SLC25A18: variants seen among roughly 807,000 people sequenced by gnomAD.
SLC25A18 encodes the protein solute carrier family 25 member 18.
SLC25A18 carries 24 observed loss-of-function variants against 31.1 expected under a neutral mutation model. The observed-to-expected ratio is 0.77, with a 90% CI of 0.56 to 1.08. The LOEUF (loss-of-function observed/expected upper bound fraction) is 1.08, where lower values mean the gene tolerates loss of function less well. Ranked by LOEUF, SLC25A18 falls within the 50% of genes least tolerant of loss-of-function variation. The probability of loss-of-function intolerance (pLI) is 0.00; values close to 1 mark genes in which losing one functional copy is unlikely to be tolerated. For missense variants in SLC25A18, 371 were observed against 418.5 expected (o/e 0.89, Z 0.99); for synonymous variants, 173 against 161.9 (o/e 1.07, Z -0.52).
chr22:17,581,224 T>C, intron 4 of SLC25A18, 65 bp downstream of exon 4: 1 of 1,568,380 alleles, frequency 6.4e-7, no homozygotes, highest in South Asian at 1.2e-5. Context: ...CCCCCTTCCC[T>C]CCAGTCTCCA....
intron 3 of SLC25A18, 79 bp from the exon 4 acceptor site, chr22:17,580,958 G>A: frequency 6.7e-7 from 1 of 1,483,348 alleles, no homozygotes; most frequent in Non-Finnish European, 9.0e-7. Flanking sequence ...CTGTGCCCCT[G>A]CCCATTCCTG....
intron 10 of SLC25A18, 143 bp from the exon 11 acceptor site, chr22:17,589,952 C>G (rs2057672286): frequency 8.2e-7 from 1 of 1,217,586 alleles, no homozygotes; most frequent in African/African-American, 1.5e-5. Context: ...GGGCGAGGCA[C>G]AGCTCCCACA....
chr22:17,563,809 A>C, intron 1 of SLC25A18, 96 bp downstream of exon 1: 1 of 704,928 alleles, frequency 1.4e-6, no homozygotes, highest in Non-Finnish European at 1.7e-6. Context: ...CTCAGAGTTC[A>C]TAATAAACCT....
intron 1 of SLC25A18, among the ~76,000 whole-genome samples, chr22:17,565,467 G>A (rs1358152031): frequency 6.6e-6 from 1 of 152,128 alleles, no homozygotes; most frequent in African/African-American, 2.4e-5. Flanking sequence ...TCCAACCCCA[G>A]GGCTCAAATG....
At chr22:17,584,708 A>G (rs1012932063) in intron 7 of SLC25A18, among the ~76,000 whole-genome samples, 1 of 135,706 alleles carries the variant, frequency 7.4e-6, no homozygotes, top group African/African-American at 2.8e-5. Flanking sequence ...TGAACACAGG[A>G]GGCAGAGGTT....
At chr22:17,566,045 G>A (rs535612010) in intron 1 of SLC25A18, among the ~76,000 whole-genome samples, 7 of 152,230 alleles carry the variant, frequency 4.6e-5, no homozygotes, top group African/African-American at 1.4e-4. Context: ...CATGGCTGCC[G>A]TGTTTTACAT....
In SLC25A18 at chr22:17,589,613, C is replaced by T; in HGVS notation, c.754C>T (p.Leu252Phe). 6.2e-7 allele frequency: 1 copy of T among 1,614,102 alleles called. No individual in the cohort carries two copies. Among genetic ancestry groups the T allele is most frequent in the Non-Finnish European group, 8.5e-7 (1 of 1,179,998 alleles). ...AGTTCTGAAAACTCGAATCCAAACC[C>T]TCAAGAAAGGCCTGGGCGAGGACAT... The part of the protein sequence containing the change: ...LDVLKTRIQT[L>F]KKGLGEDMYS... The change falls in exon 10 of 11, where the codon CTC becomes TTC. Residue 252 changes from leucine (L) to phenylalanine (F), a missense_variant. Leu to Phe is a conservative substitution (Grantham distance 22, BLOSUM62 0). Coordinates refer to ENST00000327451, the MANE Select transcript of SLC25A18 (RefSeq NM_031481.3).
At position 17,568,669 on chromosome 22, in the gene SLC25A18, C is replaced by G. The variant is rs531900385; in HGVS notation, c.-263-1255C>G. Among the ~76,000 whole-genome samples, 77 of 133,100 alleles carry G rather than the reference C, an allele frequency of 5.8e-4. No homozygotes were observed. The South Asian group carries it at 0.018, about 30-fold the overall frequency. 87.3% of individuals were successfully genotyped at this position (133,100 alleles called of 152,430 possible). ...CTCTGCGTCCCGGATTCACGCCATTCTCCTGCCTCAGCCTCCCGAGTAGCT... is the reference window on the plus strand; with the variant it reads ...CTCTGCGTCCCGGATTCACGCCATTGTCCTGCCTCAGCCTCCCGAGTAGCT... On this transcript the variant is annotated intron_variant, in intron 1 of 10. Coordinates refer to ENST00000327451, the MANE Select transcript of SLC25A18 (RefSeq NM_031481.3).
At chr22:17,564,871 C>G (rs1038212653) in intron 1 of SLC25A18, among the ~76,000 whole-genome samples, 2 of 83,926 alleles carry the variant, frequency 2.4e-5, no homozygotes, top group East Asian at 3.0e-4. Flanking sequence ...AAAAAAAAAT[C>G]AGGCCCAGGC....
intron 2 of SLC25A18, among the ~76,000 whole-genome samples, chr22:17,575,574 A>G (rs540251820): frequency 1.3e-5 from 2 of 152,148 alleles, no homozygotes; most frequent in Non-Finnish European, 2.9e-5. Context: ...AAAAATTCCT[A>G]TGGAAGGGGT....
At chr22:17,580,978 G>C (rs371760308) in intron 3 of SLC25A18, 59 bp from the exon 4 acceptor site, 1 of 1,492,794 alleles carries the variant, frequency 6.7e-7, no homozygotes, top group East Asian at 2.5e-5. Flanking sequence ...GGCTGCATCC[G>C]CTCCCTAACC....
chr22:17,567,859 T>G (rs1225327911), intron 1 of SLC25A18, among the ~76,000 whole-genome samples: 2 of 151,586 alleles, frequency 1.3e-5, no homozygotes, highest in African/African-American at 4.9e-5. Context: ...AAATTTAATT[T>G]TTTTAGTAAG....
intron 6 of SLC25A18, 108 bp downstream of exon 6, chr22:17,582,761 A>T: frequency 1.8e-5 from 17 of 938,274 alleles, no homozygotes; most frequent in Middle Eastern, 2.5e-4. Flanking sequence ...CATGCATATA[A>T]ATATGTGCAC....
At chr22:17,579,470 C>A (rs1203165256) in intron 2 of SLC25A18, among the ~76,000 whole-genome samples, 1 of 152,144 alleles carries the variant, frequency 6.6e-6, no homozygotes, top group Non-Finnish European at 1.5e-5. Flanking sequence ...CCTTTCCATC[C>A]CTTCTGCTTC....
In SLC25A18 at chr22:17,590,651, TTA is replaced by T. The variant is rs1212911276; in HGVS notation, c.*417_*418del. 6.9e-5 allele frequency: 12 copies of T among 172,714 alleles called. No homozygotes were observed. Among genetic ancestry groups the T allele is most frequent in the Admixed American group, 5.0e-4 (9 of 18,016 alleles). 10.7% of individuals were successfully genotyped at this position (172,714 alleles called of 1,614,324 possible). ...CATTGTTAATCTTGGACTCCATAAC[TTA>T]TGAGTCCTAGCACTGATTTTGAGGA... is the stretch of plus-strand genomic sequence containing the variant. On this transcript the variant is annotated 3_prime_UTR_variant, in exon 11 of 11. Coordinates refer to ENST00000327451, the MANE Select transcript of SLC25A18 (RefSeq NM_031481.3).
intron 2 of SLC25A18, among the ~76,000 whole-genome samples, chr22:17,577,623 C>A (rs12106495): frequency 0.02 from 2,944 of 145,916 alleles, 102 homozygotes; most frequent in African/African-American, 0.072. Context: ...CTGTGTCACC[C>A]AGGCTGGAGT....
At chr22:17,583,332 A>G in intron 6 of SLC25A18, 84 bp from the exon 7 acceptor site, 11 of 1,563,706 alleles carry the variant, frequency 7.0e-6, no homozygotes, top group Non-Finnish European at 8.7e-6. Flanking sequence ...CCATCCAGGG[A>G]AAGTCCCCCT....
chr22:17,581,521 G>A, intron 5 of SLC25A18, 108 bp downstream of exon 5: 1 of 1,280,860 alleles, frequency 7.8e-7, no homozygotes, highest in Non-Finnish European at 1.1e-6. Flanking sequence ...GGGCTGCCAG[G>A]GGGTCCTTCC....
chr22:17,590,160 T>G lies in SLC25A18; in HGVS notation c.872T>G (p.Ile291Arg). The change falls in exon 11 of 11, where the codon ATA becomes AGA. Residue 291 changes from isoleucine to arginine, a missense_variant. Physicochemically the swap from Ile to Arg is moderately conservative, Grantham distance 97. Transcript: ENST00000327451. ...GGCGCTGGCTGCCGGGCACTGGTCATAGCACCTCTCTTTGGGATTGCTCAA... is the reference window on the plus strand; with the variant it reads ...GGCGCTGGCTGCCGGGCACTGGTCAGAGCACCTCTCTTTGGGATTGCTCAA... Reference protein sequence around the residue: ...MKGAGCRALVIAPLFGIAQGV... With the variant: ...MKGAGCRALVRAPLFGIAQGV... The G allele has an allele frequency of 6.2e-7, 1 of 1,614,260 alleles. No homozygotes were observed. The highest frequency in any genetic ancestry group is 8.5e-7 in the Non-Finnish European group (1 of 1,180,044).
Sources: gnomAD v4.1 joint callset for allele counts (sites outside exome capture counted in the v4.1 genomes callset) on GRCh38, gnomAD v4.1.1 for gene constraint, MANE v1.5 for transcripts, NCBI Gene and HGNC (gene_info 2026-07-23, HGNC 2026-07-21) for gene names.